MORN1: variants seen among roughly 807,000 people sequenced by gnomAD.
The protein encoded by MORN1 is MORN repeat-containing protein 1.
A neutral mutation model predicts 61.9 loss-of-function variants in MORN1; 67 were observed. That is an observed-to-expected ratio of 1.08 (90% CI 0.89 to 1.33). The LOEUF (loss-of-function observed/expected upper bound fraction) is 1.33, where lower values mean the gene tolerates loss of function less well. MORN1 is among the 40% of genes most tolerant of loss of function. The pLI, the probability that MORN1 is intolerant of heterozygous loss-of-function variation, is 0.00. For synonymous variants in MORN1, 301 were observed against 292.0 expected (o/e 1.03, Z -0.31); for missense variants, 752 against 691.2 (o/e 1.09, Z -0.99).
Position 2,388,425 on chromosome 1 carries a change from C to T in MORN1, c.149-88G>A, listed in dbSNP as rs532029632. The T allele has an allele frequency of 3.9e-6, 4 of 1,036,896 alleles. No homozygotes were observed. In the East Asian group the frequency reaches 9.7e-5, roughly 25 times the overall value. The allele number at this position is 1,036,896 out of a possible 1,614,324, so 64.2% of individuals were successfully genotyped here. On this transcript the variant is annotated intron_variant, in intron 2 of 13. Transcript: ENST00000378531. ...GCAGTGTTGGGCCTGTTTCTCAGAA[C>T]CAAGAGCTTGGCTTCAAAACTTGTG...
Position 2,387,479 on chromosome 1 carries a change from C to A in MORN1, c.298G>T (p.Val100Phe), listed in dbSNP as rs180951333. The change falls in exon 4 of 14, where the codon GTC (valine) becomes TTC (phenylalanine). Residue 100 changes from valine (V) to phenylalanine (F), a missense_variant. Physicochemically the swap from Val to Phe is conservative, Grantham distance 50. Transcript: ENST00000378531. Reference protein sequence around the residue: ...FVLGEPQGYGVMEYKAGGCYE... With the variant: ...FVLGEPQGYGFMEYKAGGCYE... ...CATCCGCCGGCTTTGTACTCCATGA[C>A]GCCGTAGCCTTGAGGCTCTCCCAGA... The A allele has an allele frequency of 6.2e-7, 1 of 1,613,580 alleles. No homozygotes were observed. The highest frequency in any genetic ancestry group is 1.1e-5 in the South Asian group (1 of 91,086).
intron 6 of MORN1, among the ~76,000 whole-genome samples, chr1:2,379,834 G>A (rs989496968): frequency 4.6e-5 from 7 of 152,198 alleles, no homozygotes; most frequent in Admixed American, 2.6e-4. Flanking sequence ...ACAGCATGGC[G>A]GTTCCTCAAA....
At position 2,332,014 on chromosome 1, in the gene MORN1, G is replaced by A. The variant is rs182529745; in HGVS notation, c.1250+4455C>T. On this transcript the variant is annotated intron_variant, in intron 12 of 13. Coordinates refer to ENST00000378531, the MANE Select transcript of MORN1 (RefSeq NM_024848.3). ...CCTCTCCCGCCGCTGCGCCTCTCCC[G>A]CCGCTGCGCCTCTCCCGAAATTACA... 1.3e-4 allele frequency: 22 copies of A among 168,796 alleles called. No homozygotes were observed. In the East Asian group the frequency reaches 3.8e-3, roughly 29 times the overall value. 10.5% of individuals were successfully genotyped at this position (168,796 alleles called of 1,614,324 possible). A position where few individuals can be genotyped will look rare whatever the true frequency, so the allele number is the denominator to read the frequency against.
At chr1:2,384,934 G>A in intron 6 of MORN1, 44 bp downstream of exon 6, 12 of 1,502,656 alleles carry the variant, frequency 8.0e-6, no homozygotes, top group South Asian at 1.3e-5. Context: ...CCCACCACGA[G>A]GCCTGTACCC....
chr1:2,340,981 C>T (rs909776539), intron 10 of MORN1, among the ~76,000 whole-genome samples: 6 of 152,274 alleles, frequency 3.9e-5, no homozygotes, highest in South Asian at 2.1e-4. Context: ...GAGACCACGA[C>T]GCGGGCTGTC....
intron 10 of MORN1, among the ~76,000 whole-genome samples, chr1:2,339,780 C>T (rs745539217): frequency 3.3e-5 from 5 of 152,170 alleles, no homozygotes; most frequent in Admixed American, 1.3e-4. Flanking sequence ...GCCGAGGGCC[C>T]GGAGCTCAGC....
At position 2,324,120 on chromosome 1, in the gene MORN1, T is replaced by C; in HGVS notation, c.1274A>G (p.Glu425Gly). ...GSRPEGRATE[E>G]QAAAAHLGEY... ...ACCTAGGTGTGCTGCCGCAGCCTGC[T>C]CCTCCGTGGCTCTCCCCTCAGGCCT... The change falls in exon 13 of 14, where the codon GAG becomes GGG. Residue 425 changes from glutamate (E) to glycine (G), a missense_variant. Transcript: ENST00000378531. 6.2e-7 allele frequency: 1 copy of C among 1,601,108 alleles called. No individual in the cohort carries two copies. Among genetic ancestry groups the C allele is most frequent in the Non-Finnish European group, 8.5e-7 (1 of 1,175,200 alleles).
intron 6 of MORN1, chr1:2,376,823 G>A (rs1026883384): frequency 6.6e-6 from 1 of 152,110 alleles, no homozygotes; most frequent in Non-Finnish European, 1.5e-5. Flanking sequence ...CCAATAGCCC[G>A]GTCTTGTCTA....
chr1:2,381,343 G>A (rs918653203), intron 6 of MORN1, among the ~76,000 whole-genome samples: 2 of 152,230 alleles, frequency 1.3e-5, no homozygotes, highest in Non-Finnish European at 2.9e-5. Flanking sequence ...CGCTGGAGGA[G>A]CAGGCAGCTC....
At chr1:2,369,577 T>G (rs1041615529) in intron 8 of MORN1, among the ~76,000 whole-genome samples, 6 of 151,970 alleles carry the variant, frequency 3.9e-5, no homozygotes, top group African/African-American at 1.4e-4. Context: ...AACTAATAAA[T>G]GAGTAAAGCA....
rs557089120 is a variant in MORN1, at chr1:2,322,262, C to T, written c.1298-683G>A. Reference sequence around the variant, plus strand: ...AAAGTGAGGTTGCCATAGAAACCATCCTCTCCCCTCCCCTGAGCCTGCCGG... The same window carrying T: ...AAAGTGAGGTTGCCATAGAAACCATTCTCTCCCCTCCCCTGAGCCTGCCGG... On this transcript the variant is annotated intron_variant, in intron 13 of 13. Coordinates refer to ENST00000378531, the MANE Select transcript of MORN1 (RefSeq NM_024848.3). 54 of 985,442 alleles carry T rather than the reference C, an allele frequency of 5.5e-5. 2 individuals are homozygous for T. In the South Asian group the frequency reaches 1.4e-3, roughly 25 times the overall value. 61.0% of individuals were successfully genotyped at this position (985,442 alleles called of 1,614,324 possible). A position where few individuals can be genotyped will look rare whatever the true frequency, so the allele number is the denominator to read the frequency against.
chr1:2,351,880 C>T (rs1187653872), intron 10 of MORN1: 1 of 499,848 alleles, frequency 2.0e-6, no homozygotes, highest in African/African-American at 2.0e-5. Flanking sequence ...CCCCCAGATC[C>T]AATGTCCACA....
chr1:2,335,741 C>G (rs1386605003), intron 12 of MORN1, among the ~76,000 whole-genome samples: 1 of 151,550 alleles, frequency 6.6e-6, no homozygotes, highest in African/African-American at 2.4e-5. Context: ...GCGAGCAACC[C>G]AGCAGCTCCT....
intron 12 of MORN1, among the ~76,000 whole-genome samples, chr1:2,335,681 G>A (rs1240676411): frequency 6.6e-6 from 1 of 152,194 alleles, no homozygotes; most frequent in Non-Finnish European, 1.5e-5. Context: ...AAGGAAACAA[G>A]AGCGAGTGCC....
At chr1:2,367,777 G>A (rs745326717) in intron 8 of MORN1, among the ~76,000 whole-genome samples, 1 of 152,010 alleles carries the variant, frequency 6.6e-6, no homozygotes, top group Non-Finnish European at 1.5e-5. Context: ...ACAGGCACCC[G>A]CCACTATGCC....
At chr1:2,385,752 A>G (rs1202359909) in intron 5 of MORN1, 55 bp downstream of exon 5, 2 of 1,527,324 alleles carry the variant, frequency 1.3e-6, no homozygotes, top group African/African-American at 1.4e-5. Context: ...ATGGCCTCAC[A>G]CCTGCCCTGT....
chr1:2,373,806 G>A (rs902843798), intron 7 of MORN1, among the ~76,000 whole-genome samples: 33 of 152,266 alleles, frequency 2.2e-4, no homozygotes, highest in African/African-American at 6.7e-4. Context: ...ACTGTCACCC[G>A]TCACCCCTGT....
rs750845010 is a variant in MORN1 at position 2,388,229 on chromosome 1, T to C, written c.247+10A>G. The C allele has an allele frequency of 1.2e-6, 2 of 1,610,488 alleles. No homozygotes were observed. Among genetic ancestry groups the C allele is most frequent in the South Asian group, 2.2e-5 (2 of 91,004 alleles). On this transcript the variant is annotated intron_variant, in intron 3 of 13. Coordinates refer to ENST00000378531, the MANE Select transcript of MORN1 (RefSeq NM_024848.3). ...AAAGGAGTGAATGTGCCATCCCAGC[T>C]AGAGCTCACCTGACCAGGCCCAGTG...
At chr1:2,336,623 C>T in intron 11 of MORN1, 75 bp from the exon 12 acceptor site, 2 of 1,591,126 alleles carry the variant, frequency 1.3e-6, no homozygotes, top group Non-Finnish European at 1.7e-6. Context: ...TCCAACCCCC[C>T]TGGGGCACAC....
Sources: allele counts gnomAD v4.1 joint callset (sites outside exome capture counted in the v4.1 genomes callset), GRCh38; gene constraint gnomAD v4.1.1; transcripts MANE v1.5; gene names NCBI Gene and HGNC (gene_info 2026-07-23, HGNC 2026-07-21).